SLC22A11: variants seen among roughly 807,000 people sequenced by gnomAD.
SLC22A11 encodes solute carrier family 22 member 11, also known as organic anion transporter 4.
A neutral mutation model predicts 49.4 loss-of-function variants in SLC22A11; 42 were observed. The observed-to-expected ratio is 0.85, with a 90% CI of 0.66 to 1.10. The LOEUF (loss-of-function observed/expected upper bound fraction) is 1.10, where lower values mean the gene tolerates loss of function less well. Ranked by LOEUF, SLC22A11 falls within the 50% of genes least tolerant of loss-of-function variation. The pLI is 0.00. For missense variants in SLC22A11, 685 were observed against 731.6 expected (o/e 0.94, Z 0.74); for synonymous variants, 304 against 315.8 (o/e 0.96, Z 0.40).
Position 64,569,823 on chromosome 11 carries a change from TC to T in SLC22A11, c.1556del (p.Pro519ArgfsTer42). 2 of 1,613,804 alleles carry T rather than the reference TC, an allele frequency of 1.2e-6. No homozygotes were observed. Among genetic ancestry groups the T allele is most frequent in the Non-Finnish European group, 1.7e-6 (2 of 1,180,012 alleles). On this transcript the variant is annotated frameshift_variant, in exon 9 of 10. Coordinates refer to ENST00000301891, the MANE Select transcript of SLC22A11 (RefSeq NM_018484.4). LOFTEE classifies it low-confidence loss of function (END_TRUNC). ...LFFLPETQGL[P>X]LPDTIQDLES... ...TCTTCCTCCCGGAGACCCAGGGACTTCCGCTCCCTGACACTATCCAGGACCT... is the reference window on the plus strand; with the variant it reads ...TCTTCCTCCCGGAGACCCAGGGACTTCGCTCCCTGACACTATCCAGGACCT...
At position 64,569,959 on chromosome 11, in the gene SLC22A11, G is replaced by T. The variant is rs373031826; in HGVS notation, c.1589+101G>T. ...AGGGCAAAGGCTCAAGAGTACCAAG[G>T]CCTGTGTTTCTGAAACCATTTAATC... On this transcript the variant is annotated intron_variant, in intron 9 of 9. Coordinates refer to ENST00000301891, the MANE Select transcript of SLC22A11 (RefSeq NM_018484.4). The T allele has an allele frequency of 3.7e-4, 388 of 1,062,102 alleles. 1 individual carries two copies. In the African/African-American group the frequency reaches 5.6e-3, roughly 15 times the overall value. 65.8% of individuals were successfully genotyped at this position (1,062,102 alleles called of 1,614,324 possible).
chr11:64,562,038 C>T lies in SLC22A11; in HGVS notation c.532C>T (p.Leu178=). Residue 178 remains leucine (L), a synonymous_variant, in exon 3 of 10, where the codon CTG becomes TTG. Transcript: ENST00000301891. This position sits in a 1 kb window ranked among gnomAD's most constrained non-coding sequence, Gnocchi z 4.4. ...GAAGCCGATGCTGAGCTGGTGCTGCCTGCAGTTGGCCGTGGCGGGCACCAG... is the reference window on the plus strand; with the variant it reads ...GAAGCCGATGCTGAGCTGGTGCTGCTTGCAGTTGGCCGTGGCGGGCACCAG... ...GRKPMLSWCC[L]QLAVAGTSTI... 6.2e-7 allele frequency: 1 copy of T among 1,613,704 alleles called. No homozygotes were observed.
rs755248057 is a variant in SLC22A11, at chr11:64,559,148, G to T, written c.407G>T (p.Cys136Phe). 6.2e-7 allele frequency: 1 copy of T among 1,613,540 alleles called. No homozygotes were observed. Among genetic ancestry groups the T allele is most frequent in the East Asian group, 2.2e-5 (1 of 44,840 alleles). ...CTCCTCTTGCAGTGGGACCTGGTGTGCAGCTCCCAGGGCTTGAAGCCCCTA... is the reference window on the plus strand; with the variant it reads ...CTCCTCTTGCAGTGGGACCTGGTGTTCAGCTCCCAGGGCTTGAAGCCCCTA... ...STIVAKWDLV[C>F]SSQGLKPLSQ... is the part of the protein sequence containing the mutation. The change falls in exon 2 of 10, where the codon TGC becomes TTC. Residue 136 changes from cysteine to phenylalanine, a missense_variant. Coordinates refer to ENST00000301891, the MANE Select transcript of SLC22A11 (RefSeq NM_018484.4).
In SLC22A11 at chr11:64,565,254, C is replaced by T. The variant is rs1318219727; in HGVS notation, c.975C>T (p.Ala325=). The change falls in exon 6 of 10, where the codon GCC becomes GCT. Residue 325 remains alanine, a synonymous_variant. Transcript: ENST00000301891. This position sits in a 1 kb window ranked among gnomAD's most constrained non-coding sequence, Gnocchi z 4.1. ...VLMSSVKEEV[A]SAKEPRSVLD... ...TGTCCAGCGTGAAGGAGGAGGTGGC[C>T]TCTGCAAAGGAGCCGCGGTCGGTGC... The T allele has an allele frequency of 1.3e-6, 2 of 1,548,236 alleles. No homozygotes were observed. The highest frequency in any genetic ancestry group is 2.4e-5 in the South Asian group (2 of 83,830).
rs2038602544 is a variant in SLC22A11, at chr11:64,564,945, G to A, written c.943-277G>A. Among the ~76,000 whole-genome samples, 1 of 152,232 alleles carries A rather than the reference G, an allele frequency of 6.6e-6. No individual in the cohort carries two copies. Among genetic ancestry groups the A allele is most frequent in the East Asian group, 1.9e-4 (1 of 5,206 alleles). On this transcript the variant is annotated intron_variant, in intron 5 of 9. Coordinates refer to ENST00000301891, the MANE Select transcript of SLC22A11 (RefSeq NM_018484.4). The surrounding 1 kb of genome is among the most constrained non-coding windows in gnomAD (Gnocchi z 4.2). ...AGGAAACAGGCGCTGCCAGAGATTAGAGTGAAGATGGGGTCGGAGGATAAG... is the reference window on the plus strand; with the variant it reads ...AGGAAACAGGCGCTGCCAGAGATTAAAGTGAAGATGGGGTCGGAGGATAAG...
At chr11:64,568,460 T>C (rs1015527278) in intron 7 of SLC22A11, among the ~76,000 whole-genome samples, 2 of 152,228 alleles carry the variant, frequency 1.3e-5, no homozygotes, top group African/African-American at 4.8e-5. Flanking sequence ...GCTGGGTTTC[T>C]GCCTGTGCCC....
In SLC22A11 at chr11:64,562,007, T is replaced by A; in HGVS notation, c.501T>A (p.Phe167Leu). Reference protein sequence around the residue: ...SFIWGLLSYRFGRKPMLSWCC... With the variant: ...SFIWGLLSYRLGRKPMLSWCC... ...GTGTGCTTCTCTCCTGTGACAGGTTTGGGAGGAAGCCGATGCTGAGCTGGT... is the reference window on the plus strand; with the variant it reads ...GTGTGCTTCTCTCCTGTGACAGGTTAGGGAGGAAGCCGATGCTGAGCTGGT... Residue 167 changes from phenylalanine to leucine, a missense_variant, in exon 3 of 10, where the codon TTT becomes TTA. By Grantham distance (22) the Phe-to-Leu change is conservative (BLOSUM62 0). Coordinates refer to ENST00000301891, the MANE Select transcript of SLC22A11 (RefSeq NM_018484.4). This position sits in a 1 kb window ranked among gnomAD's most constrained non-coding sequence, Gnocchi z 4.4. 1 of 1,612,428 alleles carries A rather than the reference T, an allele frequency of 6.2e-7. No individual in the cohort carries two copies. Among genetic ancestry groups the A allele is most frequent in the Non-Finnish European group, 8.5e-7 (1 of 1,179,452 alleles).
chr11:64,569,543 G>A, intron 8 of SLC22A11, 109 bp from the exon 9 acceptor site: 2 of 1,183,114 alleles, frequency 1.7e-6, no homozygotes, highest in South Asian at 1.4e-5. Context: ...CTTGAGGAGG[G>A]CAATTCCCTC....
chr11:64,564,572 T>C lies in SLC22A11; in HGVS notation c.942+144T>C. On this transcript the variant is annotated intron_variant, in intron 5 of 9. Transcript: ENST00000301891. This position sits in a 1 kb window ranked among gnomAD's most constrained non-coding sequence, Gnocchi z 4.2. Reference sequence around the variant, plus strand: ...CATCTCCACAGACACCACCAACACCTCCATCACCACCTCCACACAGACACC... The same window carrying C: ...CATCTCCACAGACACCACCAACACCCCCATCACCACCTCCACACAGACACC... 1.1e-6 allele frequency: 1 copy of C among 926,940 alleles called. No homozygotes were observed. The highest frequency in any genetic ancestry group is 1.6e-6 in the Non-Finnish European group (1 of 618,492). 57.4% of individuals were successfully genotyped at this position (926,940 alleles called of 1,614,324 possible). A position where few individuals can be genotyped will look rare whatever the true frequency, so the allele number is the denominator to read the frequency against.
Position 64,567,772 on chromosome 11 carries a change from TGGC to T in SLC22A11, c.1233_1235del (p.Met411_Ala412delinsIle). The T allele has an allele frequency of 6.2e-7, 1 of 1,611,260 alleles. No individual in the cohort carries two copies. Among genetic ancestry groups the T allele is most frequent in the South Asian group, 1.1e-5 (1 of 90,962 alleles). ...ACCATCCAGGCGGGTTCCCAGGCCA[TGGC>T]CGGCCTCGCCATTCTAGCCAACATG... On this transcript the variant is annotated inframe_deletion, in exon 7 of 10. Transcript: ENST00000301891.
At chr11:64,570,906 C>G in intron 9 of SLC22A11, 73 bp from the exon 10 acceptor site, 8 of 1,483,270 alleles carry the variant, frequency 5.4e-6, no homozygotes, top group Non-Finnish European at 7.5e-6. Context: ...AAGACTTGAC[C>G]GCCATTTTGC....
rs758879655 is a variant in SLC22A11 at position 64,564,278 on chromosome 11, A to G, written c.822-30A>G. The G allele has an allele frequency of 1.2e-6, 2 of 1,613,166 alleles. No homozygotes were observed. Among genetic ancestry groups the G allele is most frequent in the Non-Finnish European group, 1.7e-6 (2 of 1,179,604 alleles). On this transcript the variant is annotated intron_variant, in intron 4 of 9. Coordinates refer to ENST00000301891, the MANE Select transcript of SLC22A11 (RefSeq NM_018484.4). The surrounding 1 kb of genome is among the most constrained non-coding windows in gnomAD (Gnocchi z 4.2). Reference sequence around the variant, plus strand: ...CGCCCCGGGGGAGAGCCCAGCGTGCACTCCCAGCTACACACCTGCCTCCTT... The same window carrying G: ...CGCCCCGGGGGAGAGCCCAGCGTGCGCTCCCAGCTACACACCTGCCTCCTT...
At chr11:64,556,516 C>T in intron 1 of SLC22A11, 124 bp downstream of exon 1, 3 of 1,425,518 alleles carry the variant, frequency 2.1e-6, no homozygotes, top group Non-Finnish European at 2.8e-6. Context: ...CTCTCAGCCC[C>T]TCGTCAGCCA....
chr11:64,565,666 C>T lies in SLC22A11; in HGVS notation c.1058+329C>T, dbSNP rs757785328. The T allele has an allele frequency of 1.1e-5, 5 of 442,730 alleles. No homozygotes were observed. Among genetic ancestry groups the T allele is most frequent in the Non-Finnish European group, 1.3e-5 (3 of 225,702 alleles). 27.4% of individuals were successfully genotyped at this position (442,730 alleles called of 1,614,324 possible). ...CTAGAGCCAGGGGACCAGCCACGGCCGAGGAGTACCACTGTGTGTCATCGT... is the reference window on the plus strand; with the variant it reads ...CTAGAGCCAGGGGACCAGCCACGGCTGAGGAGTACCACTGTGTGTCATCGT... On this transcript the variant is annotated intron_variant, in intron 6 of 9. Transcript: ENST00000301891. The surrounding 1 kb of genome is among the most constrained non-coding windows in gnomAD (Gnocchi z 4.1).
intron 9 of SLC22A11, 145 bp from the exon 10 acceptor site, chr11:64,570,834 C>T: frequency 1.5e-6 from 1 of 683,528 alleles, no homozygotes. Context: ...GTTTCAGGCA[C>T]TGTCCCGCTT....
In SLC22A11 at chr11:64,571,303, C is replaced by A; in HGVS notation, c.*261C>A. On this transcript the variant is annotated 3_prime_UTR_variant, in exon 10 of 10. Transcript: ENST00000301891. Reference sequence around the variant, plus strand: ...AGCCTGTGCAGATGGCCATGCCCAACCAATAACGAGACGGTTCCCCTCCCT... The same window carrying A: ...AGCCTGTGCAGATGGCCATGCCCAAACAATAACGAGACGGTTCCCCTCCCT... The A allele has an allele frequency of 2.1e-6, 1 of 483,720 alleles. No homozygotes were observed. The highest frequency in any genetic ancestry group is 3.4e-5 in the East Asian group (1 of 29,260). The allele number at this position is 483,720 out of a possible 1,614,324, so 30.0% of individuals were successfully genotyped here. A position where few individuals can be genotyped will look rare whatever the true frequency, so the allele number is the denominator to read the frequency against.
chr11:64,560,368 G>A (rs1378968196), intron 2 of SLC22A11, among the ~76,000 whole-genome samples: 1 of 151,970 alleles, frequency 6.6e-6, no homozygotes, highest in Non-Finnish European at 1.5e-5. Context: ...ATAAAAGCTG[G>A]CCCAAAGTCC....
chr11:64,568,760 T>A lies in SLC22A11; in HGVS notation c.1364T>A (p.Leu455His). The A allele has an allele frequency of 1.2e-6, 2 of 1,613,790 alleles. No homozygotes were observed. The highest frequency in any genetic ancestry group is 1.7e-6 in the Non-Finnish European group (2 of 1,179,894). ...LTCLTIYKAELFPTPVRMTAD... is the reference protein window; with the variant it reads ...LTCLTIYKAEHFPTPVRMTAD... ...TGCCTCACCATCTACAAGGCTGAAC[T>A]CTTTCCAACGCCAGTGCGGTAAGCT... The change falls in exon 8 of 10, where the codon CTC becomes CAC. Residue 455 changes from leucine (L) to histidine (H), a missense_variant. By Grantham distance (99) the Leu-to-His change is moderately conservative. Transcript: ENST00000301891.
In SLC22A11 at chr11:64,564,507, C is replaced by T. The variant is rs1014030467; in HGVS notation, c.942+79C>T. ...ATCATCCGTGTGGCCTCCAACAGCA[C>T]CACCCACTCCAGCACCACCTCCACC... On this transcript the variant is annotated intron_variant, in intron 5 of 9. Transcript: ENST00000301891. The surrounding 1 kb of genome is among the most constrained non-coding windows in gnomAD (Gnocchi z 4.2). 1.9e-6 allele frequency: 3 copies of T among 1,547,368 alleles called. No individual in the cohort carries two copies. The highest frequency in any genetic ancestry group is 2.6e-6 in the Non-Finnish European group (3 of 1,135,480).
Sources: gnomAD v4.1 joint callset for allele counts (sites outside exome capture counted in the v4.1 genomes callset) on GRCh38, gnomAD v4.1.1 for gene constraint, Gnocchi (gnomAD v3.1) non-coding constraint, MANE v1.5 for transcripts, NCBI Gene and HGNC (gene_info 2026-07-23, HGNC 2026-07-21) for gene names.